Variants in SDC1 observed in about 807,000 individuals in gnomAD.
SDC1 encodes syndecan-1.
Under a neutral mutation model 29.7 loss-of-function variants are expected in SDC1, and 14 were observed. That is an observed-to-expected ratio of 0.47 (90% CI 0.31 to 0.74). The LOEUF (loss-of-function observed/expected upper bound fraction) is 0.74. Among genes scored for constraint, SDC1 ranks in the 30% least tolerant of loss-of-function variants. The pLI is 0.05. For missense variants in SDC1, 406 were observed against 400.3 expected (o/e 1.01, Z -0.12); for synonymous variants, 204 against 175.5 (o/e 1.16, Z -1.29).
intron 1 of SDC1, among the ~76,000 whole-genome samples, chr2:20,207,602 G>T (rs866755893): frequency 6.6e-6 from 1 of 152,218 alleles, no homozygotes; most frequent in Non-Finnish European, 1.5e-5. Flanking sequence ...CTACTTGGGA[G>T]GCTGAGGCAG....
chr2:20,208,937 C>T (rs1677373251), intron 1 of SDC1, among the ~76,000 whole-genome samples: 1 of 152,184 alleles, frequency 6.6e-6, no homozygotes, highest in South Asian at 2.1e-4. Context: ...ATGCCTTGCC[C>T]CTTCCCCACC....
chr2:20,206,061 T>C (rs1195416186), intron 1 of SDC1, among the ~76,000 whole-genome samples: 1 of 152,168 alleles, frequency 6.6e-6, no homozygotes, highest in East Asian at 1.9e-4. Flanking sequence ...CTGATACACC[T>C]TCCCACACTT....
intron 1 of SDC1, among the ~76,000 whole-genome samples, chr2:20,222,836 C>A (rs976649253): frequency 6.6e-6 from 1 of 152,200 alleles, no homozygotes; most frequent in Non-Finnish European, 1.5e-5. Context: ...GGCAAGGGAA[C>A]CAGCAGCCCT....
At chr2:20,217,338 C>T (rs937757857) in intron 1 of SDC1, among the ~76,000 whole-genome samples, 6 of 152,178 alleles carry the variant, frequency 3.9e-5, no homozygotes, top group Non-Finnish European at 7.3e-5. Flanking sequence ...CACAGGGCTA[C>T]GCACACAGCA....
intron 1 of SDC1, among the ~76,000 whole-genome samples, chr2:20,212,062 G>A (rs990164122): frequency 6.6e-6 from 1 of 151,984 alleles, no homozygotes; most frequent in African/African-American, 2.4e-5. Flanking sequence ...GGGCTTGGTG[G>A]ATAACGCTAA....
rs1188998015 is a variant in SDC1, at chr2:20,203,998, G to A, written c.442C>T (p.Pro148Ser). The change falls in exon 3 of 5, where the codon CCC becomes TCC. Residue 148 changes from proline (P) to serine (S), a missense_variant. By Grantham distance (74) the Pro-to-Ser change is moderately conservative. Coordinates refer to ENST00000254351, the MANE Select transcript of SDC1 (RefSeq NM_002997.5). ...TCCCTGTGGGGGTGGGAGGTGGCGG[G>A]CTCCTGGGCCGTGGTGGCTGTGGTC... ...STTTATTAQE[P>S]ATSHPHRDMQ... The A allele has an allele frequency of 6.2e-7, 1 of 1,613,628 alleles. No individual in the cohort carries two copies. The highest frequency in any genetic ancestry group is 8.5e-7 in the Non-Finnish European group (1 of 1,179,796).
intron 1 of SDC1, among the ~76,000 whole-genome samples, chr2:20,223,730 A>G (rs895341251): frequency 6.6e-6 from 1 of 152,170 alleles, no homozygotes; most frequent in African/African-American, 2.4e-5. Flanking sequence ...AAAGGGTTAC[A>G]GGGGCCGAGA....
intron 1 of SDC1, among the ~76,000 whole-genome samples, chr2:20,221,324 A>G (rs1278297859): frequency 6.6e-6 from 1 of 152,238 alleles, no homozygotes; most frequent in Non-Finnish European, 1.5e-5. Flanking sequence ...GCTGCTGGCT[A>G]CACTCAGGCA....
chr2:20,223,479 A>G, intron 1 of SDC1: 1 of 338,836 alleles, frequency 3.0e-6, no homozygotes, highest in Non-Finnish European at 5.7e-6. Context: ...GTCCAGATGT[A>G]GTGGCGAGAC....
At chr2:20,207,775 G>A (rs1468740232) in intron 1 of SDC1, among the ~76,000 whole-genome samples, 1 of 152,168 alleles carries the variant, frequency 6.6e-6, no homozygotes, top group African/African-American at 2.4e-5. Context: ...GGCCACATCC[G>A]ATCTACAACA....
intron 1 of SDC1, among the ~76,000 whole-genome samples, chr2:20,211,809 C>T (rs544383552): frequency 6.6e-6 from 1 of 152,394 alleles, no homozygotes; most frequent in Non-Finnish European, 1.5e-5. Context: ...CCACTGCCTT[C>T]CGAACGCCTC....
At chr2:20,211,451 C>T (rs773464882) in intron 1 of SDC1, among the ~76,000 whole-genome samples, 2 of 152,212 alleles carry the variant, frequency 1.3e-5, no homozygotes, top group East Asian at 1.9e-4. Flanking sequence ...ATTTCCGACA[C>T]GTCCACTCGC....
At position 20,202,361 on chromosome 2, in the gene SDC1, G is replaced by T; in HGVS notation, c.*405C>A. 1 of 757,206 alleles carries T rather than the reference G, an allele frequency of 1.3e-6. No homozygotes were observed. Among genetic ancestry groups the T allele is most frequent in the African/African-American group, 1.7e-5 (1 of 58,258 alleles). 46.9% of individuals were successfully genotyped at this position (757,206 alleles called of 1,614,324 possible). On this transcript the variant is annotated 3_prime_UTR_variant, in exon 5 of 5. Transcript: ENST00000254351. ...AAGATGCTTGGTCCTACCAGTAAGT[G>T]CTACAGGTGTGTGAGCCCCAAGCCC...
rs529155920 is a variant in SDC1 at position 20,208,966 on chromosome 2, A to G, written c.67-3542T>C. On this transcript the variant is annotated intron_variant, in intron 1 of 4. Coordinates refer to ENST00000254351, the MANE Select transcript of SDC1 (RefSeq NM_002997.5). The stretch of plus-strand genomic sequence containing the variant: ...CCCCACCCACAGCGCAGACCCTAGA[A>G]GCTCACTGATTAGAAAGCCCAAGGT... Among the ~76,000 whole-genome samples the G allele has an allele frequency of 1.5e-3, 234 of 152,298 alleles. 1 individual carries two copies. Among genetic ancestry groups the G allele is most frequent in the African/African-American group, 5.5e-3 (227 of 41,550 alleles).
chr2:20,211,771 G>C (rs545053246), intron 1 of SDC1, among the ~76,000 whole-genome samples: 1 of 152,250 alleles, frequency 6.6e-6, no homozygotes, highest in South Asian at 2.1e-4. Flanking sequence ...GGGCACGGGA[G>C]AAAAAGCTGC....
chr2:20,211,095 C>T (rs1293369677), intron 1 of SDC1, among the ~76,000 whole-genome samples: 3 of 152,180 alleles, frequency 2.0e-5, no homozygotes, highest in African/African-American at 7.2e-5. Context: ...ACCATACTGG[C>T]TGAGGGTGAT....
chr2:20,203,589 G>A (rs932320166), intron 3 of SDC1, among the ~76,000 whole-genome samples: 2 of 152,214 alleles, frequency 1.3e-5, no homozygotes, highest in African/African-American at 4.8e-5. Flanking sequence ...GTGAGTTTGG[G>A]GAGCCCTCTC....
chr2:20,212,902 C>G (rs971182421), intron 1 of SDC1, among the ~76,000 whole-genome samples: 2 of 152,166 alleles, frequency 1.3e-5, no homozygotes, highest in Admixed American at 1.3e-4. Flanking sequence ...GGAGGGACGG[C>G]ATTCACATTT....
chr2:20,203,756 G>A, intron 3 of SDC1, 57 bp downstream of exon 3: 2 of 1,257,244 alleles, frequency 1.6e-6, no homozygotes, highest in Non-Finnish European at 2.2e-6. Flanking sequence ...GGCCTGCCAA[G>A]TGCCAGGCAT....
Sources: gnomAD v4.1 joint callset for allele counts (sites outside exome capture counted in the v4.1 genomes callset) on GRCh38, gnomAD v4.1.1 for gene constraint, MANE v1.5 for transcripts, NCBI Gene and HGNC (gene_info 2026-07-23, HGNC 2026-07-21) for gene names.